Variants in PFKFB3 observed in about 807,000 individuals in gnomAD.
The protein encoded by PFKFB3 is 6-phosphofructo-2-kinase/fructose-2,6-biphosphatase 3, also known as 6-phosphofructo-2-kinase/fructose-2,6-bisphosphatase 3.
In PFKFB3, 33 loss-of-function variants were observed where a neutral mutation model predicts 68.0. The observed-to-expected ratio is 0.49, with a 90% CI of 0.37 to 0.65. The LOEUF (loss-of-function observed/expected upper bound fraction) is 0.65. Ranked by LOEUF, PFKFB3 falls within the 30% of genes least tolerant of loss-of-function variation. PFKFB3 has a pLI of 0.00. For missense variants in PFKFB3, 586 were observed against 712.2 expected (o/e 0.82, Z 2.02); for synonymous variants, 315 against 288.2 (o/e 1.09, Z -0.94).
At chr10:6,195,497 C>T (rs1199370446) in intron 1 of PFKFB3, among the ~76,000 whole-genome samples, 1 of 152,232 alleles carries the variant, frequency 6.6e-6, no homozygotes, top group Non-Finnish European at 1.5e-5. Flanking sequence ...CCCTGCAACC[C>T]TGACATGCCT....
chr10:6,218,807 C>T (rs1844762063), intron 6 of PFKFB3, among the ~76,000 whole-genome samples: 1 of 152,190 alleles, frequency 6.6e-6, no homozygotes. Context: ...CACACTCTAT[C>T]CGCAGGACTT....
At chr10:6,259,564 A>ATCCATCCATCCATCCC (rs1243889396), downstream of PFKFB3, among the ~76,000 whole-genome samples, 1 of 137,398 alleles carries the variant, frequency 7.3e-6, no homozygotes, top group Non-Finnish European at 1.6e-5. Context: ...CCATCCATCC[A>ATCCATCCATCCATCCC]TCCACTCATC....
chr10:6,177,358 T>C (rs1159436728), intron 1 of PFKFB3, among the ~76,000 whole-genome samples: 1 of 73,100 alleles, frequency 1.4e-5, no homozygotes, highest in Admixed American at 1.6e-4. Context: ...TCTTTTCTCT[T>C]TCTTTCTTTC....
upstream of PFKFB3, among the ~76,000 whole-genome samples, chr10:6,201,367 A>G (rs917642195): frequency 1.3e-5 from 2 of 151,652 alleles, no homozygotes; most frequent in South Asian, 4.2e-4. This position sits in a 1 kb window ranked among gnomAD's most constrained non-coding sequence, Gnocchi z 4.1. Context: ...CGCGGAAACC[A>G]GACCGTCAGC....
At position 6,220,854 on chromosome 10, in the gene PFKFB3, C is replaced by T. The variant is rs200723320; in HGVS notation, c.820C>T (p.Arg274Trp). 7.0e-5 allele frequency: 112 copies of T among 1,611,124 alleles called. No homozygotes were observed. The highest frequency in any genetic ancestry group is 3.2e-4 in the Admixed American group (19 of 59,978). The change falls in exon 8 of 15, where the codon CGG becomes TGG. Residue 274 changes from arginine to tryptophan, a missense_variant. Transcript: ENST00000379775. This position sits in a 1 kb window ranked among gnomAD's most constrained non-coding sequence, Gnocchi z 4.1. ...CGGGGGCGACTCAGGCCTGTCCAGC[C>T]GGGGCAAGAAGGTGCGGGGTGTGCT... ...RIGGDSGLSS[R>W]GKKFASALSK...
intron 4 of PFKFB3, 125 bp downstream of exon 4, chr10:6,216,316 C>A: frequency 2.2e-6 from 2 of 929,570 alleles, no homozygotes; most frequent in Admixed American, 1.8e-5. Flanking sequence ...GTGGCCAGGG[C>A]AGCCCAATGG....
At chr10:6,210,245 G>C (rs1844080279) in intron 1 of PFKFB3, among the ~76,000 whole-genome samples, 1 of 119,686 alleles carries the variant, frequency 8.4e-6, no homozygotes, top group South Asian at 3.1e-4. Context: ...AAAAGATTTA[G>C]TAAGGATTTG....
At chr10:6,307,946 C>G in the PFKFB3 span, among the ~76,000 whole-genome samples, 1 of 152,120 alleles carries the variant, frequency 6.6e-6, no homozygotes, top group Admixed American at 6.5e-5. Flanking sequence ...TATTAAATAA[C>G]AAGTTCTGCC....
At chr10:6,145,197 C>G (rs1181863875) in intron 1 of PFKFB3, among the ~76,000 whole-genome samples, 1 of 152,046 alleles carries the variant, frequency 6.6e-6, no homozygotes, top group African/African-American at 2.4e-5. Context: ...GCGCTGCGCC[C>G]CGGACCCGCG....
chr10:6,232,913 A>C lies in PFKFB3; in HGVS notation c.1534A>C (p.Ser512Arg), dbSNP rs1190113251. ...AAAACAGAACATGAAAGGCTCCCGG[A>C]GCAGCGCTGACTCCTCCAGGAAACA... ...LPGQNMKGSR[S>R]SADSSRKH The change falls in exon 15 of 15, where the codon AGC becomes CGC. Residue 512 changes from serine to arginine, a missense_variant. Ser to Arg is a moderately radical substitution (Grantham distance 110, BLOSUM62 -1). Coordinates refer to ENST00000379775, the MANE Select transcript of PFKFB3 (RefSeq NM_004566.4). 3 of 1,613,426 alleles carry C rather than the reference A, an allele frequency of 1.9e-6. No individual in the cohort carries two copies. Among genetic ancestry groups the C allele is most frequent in the Admixed American group, 1.7e-5 (1 of 60,008 alleles).
At chr10:6,156,129 A>ATGTGTGTGTGTGTGTGTGTG (rs112267780) in intron 1 of PFKFB3, among the ~76,000 whole-genome samples, 30 of 96,986 alleles carry the variant, frequency 3.1e-4, no homozygotes, top group East Asian at 1.2e-3. Context: ...GTACATATAT[A>ATGTGTGTGTGTGTGTGTGTG]TGTGTGTGTG....
intron 1 of PFKFB3, among the ~76,000 whole-genome samples, chr10:6,203,791 C>A (rs61297532): frequency 6.6e-6 from 1 of 152,134 alleles, no homozygotes; most frequent in Non-Finnish European, 1.5e-5. Context: ...CCTATCCCCT[C>A]GCTTCACTTA....
Position 6,235,123 on chromosome 10 carries a change from CT to C in PFKFB3, c.*2184del, listed in dbSNP as rs1845959691. The C allele has an allele frequency of 6.5e-6, 1 of 152,754 alleles. No homozygotes were observed. Among genetic ancestry groups the C allele is most frequent in the Admixed American group, 6.5e-5 (1 of 15,282 alleles). The allele number at this position is 152,754 out of a possible 1,614,324, so 9.5% of individuals were successfully genotyped here. A position where few individuals can be genotyped will look rare whatever the true frequency, so the allele number is the denominator to read the frequency against. Reference sequence around the variant, plus strand: ...AAATAACGGGGACCAATATTTTTAACTTTGCCTATTTGTTTTTGGGTGAGTT... The same window carrying C: ...AAATAACGGGGACCAATATTTTTAACTTGCCTATTTGTTTTTGGGTGAGTT... On this transcript the variant is annotated 3_prime_UTR_variant, in exon 15 of 15. Transcript: ENST00000379775.
upstream of PFKFB3, among the ~76,000 whole-genome samples, chr10:6,200,659 C>CGGGGGGGGGGGGGGGGGGGGGG (rs57019530): frequency 2.9e-5 from 2 of 68,886 alleles, no homozygotes; most frequent in Admixed American, 1.3e-4. Flanking sequence ...ATGTAAGGAG[C>CGGGGGGGGGGGGGGGGGGGGGG]GGGGGGGGGG....
chr10:6,318,607 G>A, the PFKFB3 span, among the ~76,000 whole-genome samples: 1 of 152,134 alleles, frequency 6.6e-6, no homozygotes, highest in Non-Finnish European at 1.5e-5. Context: ...TTGCGCTTTT[G>A]CCTGACCACG....
the PFKFB3 span, among the ~76,000 whole-genome samples, chr10:6,317,234 A>G: frequency 1.1e-4 from 17 of 152,284 alleles, no homozygotes; most frequent in East Asian, 1.9e-3. Flanking sequence ...AATGGTTGCA[A>G]TCTGGGCAGG....
Position 6,232,886 on chromosome 10 carries a change from T to G in PFKFB3, c.1516-9T>G. On this transcript the variant is annotated splice_polypyrimidine_tract_variant and intron_variant, in intron 14 of 14. Transcript: ENST00000379775. The stretch of plus-strand genomic sequence containing the variant: ...CTCCCTCCCCACCTCTCTTTTCTCC[T>G]GAAAACAGAACATGAAAGGCTCCCG... 2 of 1,611,046 alleles carry G rather than the reference T, an allele frequency of 1.2e-6. No individual in the cohort carries two copies. Among genetic ancestry groups the G allele is most frequent in the Non-Finnish European group, 8.5e-7 (1 of 1,177,812 alleles).
chr10:6,229,135 C>A lies in PFKFB3; in HGVS notation c.1515+2770C>A, dbSNP rs772869572. On this transcript the variant is annotated intron_variant, in intron 14 of 14. Transcript: ENST00000379775. This position sits in a 1 kb window ranked among gnomAD's most constrained non-coding sequence, Gnocchi z 4.3. ...AACTGGAAAGGTGTGATGAGGAATG[C>A]AGCCTGAGATGCTGAAAAGAATGAC... 1.9e-6 allele frequency: 1 copy of A among 515,406 alleles called. No homozygotes were observed. The highest frequency in any genetic ancestry group is 1.4e-5 in the South Asian group (1 of 70,916). 31.9% of individuals were successfully genotyped at this position (515,406 alleles called of 1,614,324 possible).
At chr10:6,241,921 C>CTGCA (rs1320728588) in intron 14 of PFKFB3, among the ~76,000 whole-genome samples, 5 of 150,778 alleles carry the variant, frequency 3.3e-5, no homozygotes, top group Non-Finnish European at 5.9e-5. Context: ...TTATAGCTGA[C>CTGCA]TGCAGCCTCT....
Sources: gnomAD v4.1 joint callset for allele counts (sites outside exome capture counted in the v4.1 genomes callset) on GRCh38, gnomAD v4.1.1 for gene constraint, Gnocchi (gnomAD v3.1) non-coding constraint, MANE v1.5 for transcripts, NCBI Gene and HGNC (gene_info 2026-07-23, HGNC 2026-07-21) for gene names.